Variants in ROPN1B observed in about 807,000 individuals in gnomAD.
The protein encoded by ROPN1B is ropporin-1B.
In ROPN1B, 13 loss-of-function variants were observed where a neutral mutation model predicts 23.7. The observed-to-expected ratio is 0.55, with a 90% CI of 0.36 to 0.87. The LOEUF (loss-of-function observed/expected upper bound fraction) is 0.87. ROPN1B is among the 40% of genes least tolerant of loss of function. ROPN1B has a pLI of 0.01. For synonymous variants in ROPN1B, 67 were observed against 100.4 expected (o/e 0.67, Z 1.99); for missense variants, 183 against 249.2 (o/e 0.73, Z 1.79).
intron 5 of ROPN1B, among the ~76,000 whole-genome samples, chr3:125,978,646 T>C (rs11927101): frequency 0.24 from 37,080 of 152,158 alleles, 4,749 homozygotes; most frequent in Non-Finnish European, 0.27. Context: ...CGCTAGCTGC[T>C]TGCAGCTTAA....
chr3:125,982,597 G>T, intron 6 of ROPN1B, 152 bp downstream of exon 6: 1 of 668,724 alleles, frequency 1.5e-6, no homozygotes, highest in East Asian at 3.1e-5. Flanking sequence ...GAAAGGGAAG[G>T]AGAAGAGGAA....
At chr3:125,969,600 T>C (rs1325240600) in intron 1 of ROPN1B, 200 bp downstream of exon 1, 2 of 111,314 alleles carry the variant, frequency 1.8e-5, no homozygotes, top group South Asian at 3.1e-4. Flanking sequence ...TCTGGCCAAT[T>C]TGTGTGCGTA....
chr3:125,981,262 T>G (rs1357131848), intron 5 of ROPN1B, among the ~76,000 whole-genome samples: 1 of 152,212 alleles, frequency 6.6e-6, no homozygotes, highest in South Asian at 2.1e-4. Flanking sequence ...ATACCACAGT[T>G]AGAGAAGCCT....
At chr3:125,980,009 G>T (rs527388268) in intron 5 of ROPN1B, among the ~76,000 whole-genome samples, 1 of 152,308 alleles carries the variant, frequency 6.6e-6, no homozygotes, top group East Asian at 1.9e-4. Flanking sequence ...CACGTATGTA[G>T]AAAATAATCA....
chr3:125,971,875 T>C (rs1478238626), intron 2 of ROPN1B, among the ~76,000 whole-genome samples, 168 bp from the exon 3 acceptor site: 2 of 152,208 alleles, frequency 1.3e-5, no homozygotes, highest in African/African-American at 4.8e-5. Flanking sequence ...AAAGTAGGGG[T>C]TAGCAGACGG....
intron 5 of ROPN1B, among the ~76,000 whole-genome samples, chr3:125,980,857 T>A (rs1327672554): frequency 7.9e-5 from 12 of 152,106 alleles, no homozygotes; most frequent in Non-Finnish European, 4.4e-5. Flanking sequence ...CTCACAAGCA[T>A]GACTTACCAT....
At chr3:125,976,007 C>T (rs1938398428) in intron 4 of ROPN1B, among the ~76,000 whole-genome samples, 1 of 152,152 alleles carries the variant, frequency 6.6e-6, no homozygotes, top group East Asian at 1.9e-4. Context: ...TGATCAAGAC[C>T]ATAATATGAT....
intron 5 of ROPN1B, among the ~76,000 whole-genome samples, chr3:125,979,172 T>C (rs2107606293): frequency 6.6e-6 from 1 of 152,270 alleles, no homozygotes; most frequent in Non-Finnish European, 1.5e-5. Flanking sequence ...TTGCTCCTCA[T>C]CATCCCCATG....
At chr3:125,980,309 A>G (rs776305494) in intron 5 of ROPN1B, among the ~76,000 whole-genome samples, 63 of 152,260 alleles carry the variant, frequency 4.1e-4, no homozygotes, top group Non-Finnish European at 6.6e-4. Flanking sequence ...TGAATAATCA[A>G]TAAAAGATGA....
Position 125,975,465 on chromosome 3 carries a change from C to T in ROPN1B, c.117-98C>T, listed in dbSNP as rs1938370620. ...AGCCACTTTACAAAGGTTCCTTTCT[C>T]TACCTCCTTCCCTCAGAAGAAGGGG... On this transcript the variant is annotated intron_variant, in intron 3 of 6. Coordinates refer to ENST00000514116, the MANE Select transcript of ROPN1B (RefSeq NM_001308313.2). 1.2e-5 allele frequency: 15 copies of T among 1,289,424 alleles called. No homozygotes were observed. The Admixed American group carries it at 3.4e-4, about 29-fold the overall frequency. 79.9% of individuals were successfully genotyped at this position (1,289,424 alleles called of 1,614,324 possible).
intron 5 of ROPN1B, 134 bp from the exon 6 acceptor site, chr3:125,982,136 C>T: frequency 1.5e-6 from 1 of 688,486 alleles, no homozygotes; most frequent in Non-Finnish European, 2.3e-6. Flanking sequence ...AAATTTCAAG[C>T]TTTCTAGAAT....
At chr3:125,969,511 C>A (rs1938113854) in intron 1 of ROPN1B, 111 bp downstream of exon 1, 1 of 74,778 alleles carries the variant, frequency 1.3e-5, no homozygotes, top group Non-Finnish European at 2.5e-5. Context: ...TGAGCCTCTC[C>A]TTGTTCACAG....
intron 2 of ROPN1B, 139 bp from the exon 3 acceptor site, chr3:125,971,904 G>A (rs1938220433): frequency 1.5e-6 from 1 of 646,674 alleles, no homozygotes; most frequent in Admixed American, 3.1e-5. Flanking sequence ...CCTTGCCGTT[G>A]TGTAACAATA....
rs1224926657 is a variant in ROPN1B at position 125,972,082 on chromosome 3, A to C, written c.28A>C (p.Ile10Leu). Residue 10 changes from isoleucine (I) to leucine (L), a missense_variant, in exon 3 of 7, where the codon ATC becomes CTC. Transcript: ENST00000514116. MAQTDKPTC[I>L]PPELPKMLKE... ...GGCTCAGACAGATAAGCCAACATGCATCCCGCCGGAGCTGCCGAAAATGCT... is the reference window on the plus strand; with the variant it reads ...GGCTCAGACAGATAAGCCAACATGCCTCCCGCCGGAGCTGCCGAAAATGCT... 1 of 1,614,234 alleles carries C rather than the reference A, an allele frequency of 6.2e-7. No individual in the cohort carries two copies. Among genetic ancestry groups the C allele is most frequent in the African/African-American group, 1.3e-5 (1 of 75,062 alleles).
chr3:125,976,934 G>A lies in ROPN1B; in HGVS notation c.235-70G>A. 5.8e-6 allele frequency: 4 copies of A among 689,108 alleles called. No individual in the cohort carries two copies. The South Asian group carries it at 6.3e-5, about 11-fold the overall frequency. The allele number at this position is 689,108 out of a possible 1,614,324, so 42.7% of individuals were successfully genotyped here. A position where few individuals can be genotyped will look rare whatever the true frequency, so the allele number is the denominator to read the frequency against. ...GAGATGTGGACCTGGCCTGGGGACA[G>A]GGTGTTTCTCAGGGCCTTGTCTCAA... On this transcript the variant is annotated intron_variant, in intron 4 of 6. Coordinates refer to ENST00000514116, the MANE Select transcript of ROPN1B (RefSeq NM_001308313.2).
At chr3:125,980,453 C>T (rs1398857672) in intron 5 of ROPN1B, among the ~76,000 whole-genome samples, 5 of 152,172 alleles carry the variant, frequency 3.3e-5, no homozygotes, top group African/African-American at 1.2e-4. Context: ...GGACTGCTTT[C>T]TTCTGAGACG....
chr3:125,971,564 T>A (rs749605180), intron 2 of ROPN1B, among the ~76,000 whole-genome samples: 2 of 152,244 alleles, frequency 1.3e-5, no homozygotes, highest in Non-Finnish European at 2.9e-5. Flanking sequence ...TATTTTTATA[T>A]GGAAATAACC....
At position 125,979,499 on chromosome 3, in the gene ROPN1B, T is replaced by C. The variant is rs566478836; in HGVS notation, c.396+2334T>C. 2.0e-5 allele frequency among the ~76,000 whole-genome samples: 3 copies of C among 152,266 alleles called. No individual in the cohort carries two copies. In the South Asian group the frequency reaches 6.2e-4, roughly 32 times the overall value. ...TGCCCCTCCACCAAGTGAGGACACA[T>C]AGAAGGCATCATTCATGAGGAACAG... On this transcript the variant is annotated intron_variant, in intron 5 of 6. Coordinates refer to ENST00000514116, the MANE Select transcript of ROPN1B (RefSeq NM_001308313.2).
At chr3:125,977,383 C>T (rs1938458917) in intron 5 of ROPN1B, 1 of 584,434 alleles carries the variant, frequency 1.7e-6, no homozygotes, top group African/African-American at 1.9e-5. Context: ...TGGTCAGGCT[C>T]TGGGGAGAGT....
Sources: gnomAD v4.1 joint callset for allele counts (sites outside exome capture counted in the v4.1 genomes callset) on GRCh38, gnomAD v4.1.1 for gene constraint, MANE v1.5 for transcripts, NCBI Gene and HGNC (gene_info 2026-07-23, HGNC 2026-07-21) for gene names.